The following GRIP1 variants were observed in gnomAD, a reference collection of about 807,000 sequenced individuals.
The protein encoded by GRIP1 is glutamate receptor interacting protein 1, also known as glutamate receptor-interacting protein 1.
GRIP1 carries 45 observed loss-of-function variants against 129.9 expected under a neutral mutation model. The observed-to-expected ratio is 0.35, with a 90% confidence interval of 0.27 to 0.44. The LOEUF is 0.44. GRIP1 is among the 20% of genes least tolerant of loss of function. GRIP1 has a pLI of 1.00. For synonymous variants in GRIP1, 530 were observed against 520.8 expected (o/e 1.02, Z -0.24); for missense variants, 1,196 against 1,396.8 (o/e 0.86, Z 2.29).
intron 7 of GRIP1, among the ~76,000 whole-genome samples, chr12:66,507,124 T>C (rs1470163762): frequency 2.6e-5 from 4 of 152,190 alleles, no homozygotes; most frequent in African/African-American, 4.8e-5. Flanking sequence ...TTCCAGCTCA[T>C]TGAGATCACC....
chr12:66,379,138 C>T, intron 20 of GRIP1, 142 bp downstream of exon 20: 2 of 978,580 alleles, frequency 2.0e-6, no homozygotes, highest in South Asian at 1.4e-5. Flanking sequence ...TAGAATCCTG[C>T]CATGTGGCCA....
chr12:66,388,376 G>T (rs2056445498), intron 19 of GRIP1, among the ~76,000 whole-genome samples: 1 of 152,158 alleles, frequency 6.6e-6, no homozygotes, highest in Admixed American at 6.5e-5. Flanking sequence ...AAATAAGATA[G>T]AAATATAGCT....
intron 2 of GRIP1, among the ~76,000 whole-genome samples, chr12:66,594,821 T>A (rs1029226546): frequency 2.0e-5 from 3 of 152,242 alleles, no homozygotes; most frequent in Non-Finnish European, 4.4e-5. Context: ...TTCACCTCTC[T>A]TTAAGTTACT....
At chr12:66,849,433 T>C (rs1475861080) in intron 1 of GRIP1, among the ~76,000 whole-genome samples, 1 of 152,140 alleles carries the variant, frequency 6.6e-6, no homozygotes, top group Non-Finnish European at 1.5e-5. Context: ...TACCTAATGA[T>C]ACTGCAAATT....
chr12:66,367,163 G>A (rs1409393284), intron 23 of GRIP1, among the ~76,000 whole-genome samples: 1 of 152,208 alleles, frequency 6.6e-6, no homozygotes, highest in African/African-American at 2.4e-5. Context: ...TCAATGAACG[G>A]TAGCTGAGAT....
intron 1 of GRIP1, among the ~76,000 whole-genome samples, chr12:66,690,732 A>T (rs11612945): frequency 0.95 from 141,313 of 149,030 alleles, 67,026 homozygotes; most frequent in East Asian, 1. Context: ...TTTTCAAAAA[A>T]TTTTTTTTAA....
chr12:66,941,515 C>A (rs1345880448), intron 1 of GRIP1, among the ~76,000 whole-genome samples: 1 of 152,170 alleles, frequency 6.6e-6, no homozygotes, highest in South Asian at 2.1e-4. Flanking sequence ...TCCTGAGCTA[C>A]ATAGCATAAA....
chr12:66,717,742 A>G (rs1199970046), intron 1 of GRIP1, among the ~76,000 whole-genome samples: 1 of 152,130 alleles, frequency 6.6e-6, no homozygotes, highest in Non-Finnish European at 1.5e-5. Context: ...TATAAATGAG[A>G]TTGCACTTCA....
At chr12:67,067,562 G>A (rs1205390200) in intron 1 of GRIP1, among the ~76,000 whole-genome samples, 2 of 152,116 alleles carry the variant, frequency 1.3e-5, no homozygotes, top group South Asian at 2.1e-4. Context: ...ATGGGTAGAC[G>A]TAAGGTCACC....
intron 16 of GRIP1, among the ~76,000 whole-genome samples, chr12:66,397,199 T>G (rs2056825991): frequency 6.8e-6 from 1 of 146,006 alleles, no homozygotes; most frequent in African/African-American, 2.5e-5. Context: ...GGGATTCTAA[T>G]AAAACCAACT....
chr12:66,844,628 C>T (rs531184786), intron 1 of GRIP1, among the ~76,000 whole-genome samples: 1 of 152,262 alleles, frequency 6.6e-6, no homozygotes, highest in East Asian at 1.9e-4. Context: ...CAATTGATTG[C>T]AGGGTCTTAA....
chr12:66,622,967 G>A (rs1310923779), intron 1 of GRIP1, among the ~76,000 whole-genome samples: 1 of 152,128 alleles, frequency 6.6e-6, no homozygotes, highest in Non-Finnish European at 1.5e-5. Flanking sequence ...TGTTTACTTA[G>A]CTGTCTCCCC....
chr12:66,728,374 C>T (rs1357844234), intron 1 of GRIP1, among the ~76,000 whole-genome samples: 1 of 152,146 alleles, frequency 6.6e-6, no homozygotes, highest in Non-Finnish European at 1.5e-5. Flanking sequence ...GGCCCAGGAT[C>T]TTTCAATGTT....
intron 1 of GRIP1, among the ~76,000 whole-genome samples, chr12:67,048,419 T>C (rs2043288658): frequency 6.6e-6 from 1 of 152,232 alleles, no homozygotes; most frequent in Non-Finnish European, 1.5e-5. Flanking sequence ...ATATACCTTT[T>C]TAAAAATTTT....
At chr12:66,975,086 G>A (rs1050416926) in intron 1 of GRIP1, among the ~76,000 whole-genome samples, 3 of 151,904 alleles carry the variant, frequency 2.0e-5, no homozygotes, top group Non-Finnish European at 4.4e-5. Flanking sequence ...ATGGATTTGG[G>A]GTCACCTCCA....
intron 1 of GRIP1, among the ~76,000 whole-genome samples, chr12:67,047,717 G>A (rs923218701): frequency 7.2e-5 from 11 of 152,104 alleles, no homozygotes; most frequent in African/African-American, 2.7e-4. Flanking sequence ...TCACAATTAT[G>A]GGCAATGCCA....
Position 66,691,806 on chromosome 12 carries a change from C to T in GRIP1, c.-419-61470G>A, listed in dbSNP as rs982320594. ...TTGTTTGCGTAGGGAAATGCAGGCG[C>T]TTAATTGATCAAAAGGGACTCACAG... is the stretch of plus-strand genomic sequence containing the variant. On this transcript the variant is annotated intron_variant, in intron 1 of 4. Transcript: ENST00000538373. Among the ~76,000 whole-genome samples, 5 of 152,180 alleles carry T rather than the reference C, an allele frequency of 3.3e-5. No homozygotes were observed. The South Asian group carries it at 6.2e-4, about 19-fold the overall frequency.
intron 1 of GRIP1, among the ~76,000 whole-genome samples, chr12:66,687,102 A>G (rs1463116619): frequency 6.6e-6 from 1 of 152,044 alleles, no homozygotes; most frequent in African/African-American, 2.4e-5. Flanking sequence ...CAAAAACAAA[A>G]ACCACTACAA....
chr12:66,347,600 C>T lies in GRIP1; in HGVS notation c.*1419G>A, dbSNP rs1389306055. ...ATTAAATTTGTACAAAAATACTTTA[C>T]AGTTTAATACTTGTTTGTTACAAAT... On this transcript the variant is annotated 3_prime_UTR_variant, in exon 25 of 25. Coordinates refer to ENST00000359742, the MANE Select transcript of GRIP1 (RefSeq NM_001366722.1). 2 of 152,092 alleles carry T rather than the reference C, an allele frequency of 1.3e-5. No homozygotes were observed. The highest frequency in any genetic ancestry group is 2.9e-5 in the Non-Finnish European group (2 of 68,022). The allele number at this position is 152,092 out of a possible 1,614,324, so 9.4% of individuals were successfully genotyped here.
Sources: gnomAD v4.1 joint callset for allele counts (sites outside exome capture counted in the v4.1 genomes callset) on GRCh38, gnomAD v4.1.1 for gene constraint, MANE v1.5 for transcripts, NCBI Gene and HGNC (gene_info 2026-07-23, HGNC 2026-07-21) for gene names.